The following PLK4 variants were observed in gnomAD, a reference collection of about 807,000 sequenced individuals.
PLK4 encodes the protein serine/threonine-protein kinase PLK4.
PLK4 carries 51 observed loss-of-function variants against 103.0 expected under a neutral mutation model. That is an observed-to-expected ratio of 0.50 (90% CI 0.40 to 0.63). PLK4 has a LOEUF of 0.63. Among genes scored for constraint, PLK4 ranks in the 20% least tolerant of loss-of-function variants. The pLI is 0.00. For synonymous variants in PLK4, 389 were observed against 376.8 expected, an observed-to-expected ratio of 1.03 and a Z score of -0.38; for missense variants, 1,054 against 1,151.0, an observed-to-expected ratio of 0.92 and a Z score of 1.22.
rs765680091 is a variant in PLK4, at chr4:127,893,766, T to C, written c.2447T>C (p.Leu816Ser). 6 of 1,612,328 alleles carry C rather than the reference T, an allele frequency of 3.7e-6. No homozygotes were observed. In the African/African-American group the frequency reaches 8.0e-5, roughly 22 times the overall value. Residue 816 changes from leucine to serine, a missense_variant, in exon 13 of 16, where the codon TTA (leucine) becomes TCA (serine). By Grantham distance (145) the Leu-to-Ser change is moderately radical. Around this residue, in one of 4 missense-constraint regions of PLK4, gnomAD observed 167 missense variants for 200.7 expected, o/e 0.83. Coordinates refer to ENST00000270861, the MANE Select transcript of PLK4 (RefSeq NM_014264.5). Reference protein sequence around the residue: ...KPGSTSSPKALSPPPSVDSNY... With the variant: ...KPGSTSSPKASSPPPSVDSNY... The stretch of plus-strand genomic sequence containing the variant: ...GGTAGTACTAGTTCACCTAAGGCCT[T>C]ATCACCTCCTCCTTCTGTGGATTCA...
rs1229231200 is a variant in PLK4 at position 127,887,388 on chromosome 4, T to C, written c.1359-8T>C. On this transcript the variant is annotated splice_polypyrimidine_tract_variant and splice_region_variant and intron_variant, in intron 5 of 15. Transcript: ENST00000270861. ...TAGTTTATGGGATTTTTTTGTTTGT[T>C]TGTTTAGCTCCAATCATCTTTGTCC... The C allele has an allele frequency of 9.6e-6, 15 of 1,560,294 alleles. No homozygotes were observed. Among genetic ancestry groups the C allele is most frequent in the Non-Finnish European group, 1.3e-5 (15 of 1,139,302 alleles).
At chr4:127,892,325 A>G (rs373061841) in intron 9 of PLK4, 40 bp from the exon 10 acceptor site, 169 of 1,335,212 alleles carry the variant, frequency 1.3e-4, no homozygotes, top group Non-Finnish European at 6.1e-5. Flanking sequence ...ATGTCAGGTC[A>G]ACACTTTCTT....
intron 1 of PLK4, 104 bp downstream of exon 1, chr4:127,881,268 G>A (rs1382639812): frequency 3.8e-6 from 6 of 1,582,046 alleles, no homozygotes; most frequent in Admixed American, 3.7e-5. Context: ...GCTGCGGGGC[G>A]GGCACCGAGG....
chr4:127,881,526 G>A (rs4279228), intron 1 of PLK4, among the ~76,000 whole-genome samples: 152,262 of 152,266 alleles, frequency 1, 76,129 homozygotes, highest in Non-Finnish European at 1. Context: ...GATTCTGACC[G>A]AGCCCTCCGC....
chr4:127,897,722 A>G (rs1202042765), intron 15 of PLK4, among the ~76,000 whole-genome samples: 1 of 150,126 alleles, frequency 6.7e-6, no homozygotes, highest in Non-Finnish European at 1.5e-5. Context: ...CCCAGGATAC[A>G]TGTTGACATT....
chr4:127,892,202 C>A, intron 9 of PLK4, 163 bp from the exon 10 acceptor site: 2 of 466,664 alleles, frequency 4.3e-6, no homozygotes, highest in Non-Finnish European at 3.7e-6. Context: ...ATATTATGGA[C>A]TATGGACATA....
Position 127,893,357 on chromosome 4 carries a change from G to T in PLK4, c.2261G>T (p.Ser754Ile). The T allele has an allele frequency of 6.2e-7, 1 of 1,606,082 alleles. No homozygotes were observed. The highest frequency in any genetic ancestry group is 8.5e-7 in the Non-Finnish European group (1 of 1,173,778). Residue 754 changes from serine (S) to isoleucine (I), a missense_variant, in exon 11 of 16, where the codon AGT (serine) becomes ATT (isoleucine). Around this residue, in one of 4 missense-constraint regions of PLK4, gnomAD observed 680 missense variants for 660.3 expected, o/e 1.03. Transcript: ENST00000270861. ...EKTGKSYTLK[S>I]ESEVNSLKEE... ...ACAGGGAAGTCTTACACTTTAAAAAGTGAAAGTGAAGTTAATAGCTTGAAA... is the reference window on the plus strand; with the variant it reads ...ACAGGGAAGTCTTACACTTTAAAAATTGAAAGTGAAGTTAATAGCTTGAAA...
In PLK4 at chr4:127,885,753, AT is replaced by A; in HGVS notation, c.385del (p.Ser129LeufsTer16). 6.2e-7 allele frequency: 1 copy of A among 1,613,384 alleles called. No individual in the cohort carries two copies. The highest frequency in any genetic ancestry group is 8.5e-7 in the Non-Finnish European group (1 of 1,179,520). ...ATCATCACAGGGATGTTGTATCTTC[AT>A]TCTCATGGTATACTACACCGGGACC... ...HQIITGMLYL[H>X]SHGILHRDLT... On this transcript the variant is annotated frameshift_variant, in exon 5 of 16. Transcript: ENST00000270861. LOFTEE classifies it high-confidence loss of function.
chr4:127,892,359 C>G lies in PLK4; in HGVS notation c.2039-6C>G. On this transcript the variant is annotated splice_region_variant and splice_polypyrimidine_tract_variant and intron_variant, in intron 9 of 15. Transcript: ENST00000270861. Reference sequence around the variant, plus strand: ...TTCCCTAATGTTAAGTATTTTTTTTCCTTAGAAAAATACTGGCGAAAATAT... The same window carrying G: ...TTCCCTAATGTTAAGTATTTTTTTTGCTTAGAAAAATACTGGCGAAAATAT... The G allele has an allele frequency of 6.5e-7, 1 of 1,540,412 alleles. No individual in the cohort carries two copies. Among genetic ancestry groups the G allele is most frequent in the Non-Finnish European group, 8.8e-7 (1 of 1,142,564 alleles).
rs753076855 is a variant in PLK4, at chr4:127,886,533, A to C, written c.1163A>C (p.Gln388Pro). 1 of 1,614,076 alleles carries C rather than the reference A, an allele frequency of 6.2e-7. No homozygotes were observed. The highest frequency in any genetic ancestry group is 1.7e-5 in the Admixed American group (1 of 60,026). Residue 388 changes from glutamine to proline, a missense_variant, in exon 5 of 16, where the codon CAG becomes CCG. Physicochemically the swap from Gln to Pro is moderately conservative, Grantham distance 76. Transcript: ENST00000270861. ...SSDRSGTSNS[Q>P]SQAKTYTMER... ...GATAGATCTGGCACTTCTAATAGTC[A>C]GTCTCAAGCAAAAACATATACAATG... is the stretch of plus-strand genomic sequence containing the variant.
At chr4:127,887,337 T>G in intron 5 of PLK4, 59 bp from the exon 6 acceptor site, 2 of 907,676 alleles carry the variant, frequency 2.2e-6, no homozygotes, top group Non-Finnish European at 3.5e-6. Flanking sequence ...ATTTTTACCT[T>G]AAAAAGTTAC....
At chr4:127,895,237 T>G in intron 14 of PLK4, 144 bp downstream of exon 14, 1 of 534,262 alleles carries the variant, frequency 1.9e-6, no homozygotes, top group East Asian at 3.3e-5. Context: ...ATTGGTTATA[T>G]CATTAAAAAT....
Position 127,886,497 on chromosome 4 carries a change from C to T in PLK4, c.1127C>T (p.Ala376Val), listed in dbSNP as rs1735136603. ...ERPHSRYLRR[A>V]YSSDRSGTSN... is the part of the protein sequence containing the mutation. ...CCACATTCTCGATACCTTCGTAGAG[C>T]TTATTCCTCTGATAGATCTGGCACT... Residue 376 changes from alanine to valine, a missense_variant, in exon 5 of 16, where the codon GCT becomes GTT. Transcript: ENST00000270861. The T allele has an allele frequency of 4.3e-6, 7 of 1,613,740 alleles. No individual in the cohort carries two copies. Among genetic ancestry groups the T allele is most frequent in the South Asian group, 1.1e-5 (1 of 91,072 alleles).
intron 6 of PLK4, among the ~76,000 whole-genome samples, chr4:127,889,389 GT>G (rs1356593707): frequency 6.6e-6 from 1 of 152,026 alleles, no homozygotes; most frequent in Non-Finnish European, 1.5e-5. Context: ...TTCATATAGT[GT>G]TTTTGCTTTT....
At chr4:127,898,173 G>T (rs1243122346) in intron 15 of PLK4, among the ~76,000 whole-genome samples, 1 of 151,884 alleles carries the variant, frequency 6.6e-6, no homozygotes, top group African/African-American at 2.4e-5. Flanking sequence ...CAGATTTTTG[G>T]CTTGCTTTTG....
chr4:127,891,249 GT>G, intron 8 of PLK4, 53 bp downstream of exon 8: 1 of 893,438 alleles, frequency 1.1e-6, no homozygotes, highest in Non-Finnish European at 1.8e-6. Flanking sequence ...GTTTAAGCAC[GT>G]TTAGCATTCT....
In PLK4 at chr4:127,886,506, C is replaced by G. The variant is rs1257475188; in HGVS notation, c.1136C>G (p.Ser379Cys). 1.9e-6 allele frequency: 3 copies of G among 1,613,810 alleles called. No individual in the cohort carries two copies. Among genetic ancestry groups the G allele is most frequent in the African/African-American group, 2.7e-5 (2 of 75,056 alleles). The change falls in exon 5 of 16, where the codon TCT becomes TGT. Residue 379 changes from serine (S) to cysteine (C), a missense_variant. Ser to Cys is a moderately radical substitution (Grantham distance 112). This residue lies in a region of PLK4 where 680 missense variants were observed against 660.3 expected (regional missense o/e 1.03). Transcript: ENST00000270861. The part of the protein sequence containing the change: ...HSRYLRRAYS[S>C]DRSGTSNSQS... ...CGATACCTTCGTAGAGCTTATTCCT[C>G]TGATAGATCTGGCACTTCTAATAGT...
chr4:127,892,754 G>T (rs1221262410), intron 10 of PLK4: 2 of 337,956 alleles, frequency 5.9e-6, no homozygotes, highest in Non-Finnish European at 5.4e-6. Flanking sequence ...CTTAGCTCCA[G>T]TTTAACTACG....
intron 4 of PLK4, 144 bp from the exon 5 acceptor site, chr4:127,885,563 TG>T (rs1449288376): frequency 4.5e-5 from 28 of 627,782 alleles, no homozygotes; most frequent in Non-Finnish European, 7.2e-5. Context: ...GTAATTGAAG[TG>T]GCTGGTAAAT....
Sources: gnomAD v4.1 joint callset for allele counts (sites outside exome capture counted in the v4.1 genomes callset) on GRCh38, gnomAD v4.1.1 for gene constraint, gnomAD v4.1.1 regional missense constraint, MANE v1.5 for transcripts, NCBI Gene and HGNC (gene_info 2026-07-23, HGNC 2026-07-21) for gene names.